The following GOLIM4 variants were observed in gnomAD, a reference collection of about 807,000 sequenced individuals.
The protein encoded by GOLIM4 is 130 kDa golgi-localized phosphoprotein.
GOLIM4 carries 71 observed loss-of-function variants against 107.4 expected under a neutral mutation model. That is an observed-to-expected ratio of 0.66 (90% CI 0.55 to 0.81). The LOEUF is 0.81. Among genes scored for constraint, GOLIM4 ranks in the 30% least tolerant of loss-of-function variants. The pLI is 0.00. For synonymous variants in GOLIM4, 327 were observed against 294.8 expected (o/e 1.11, Z -1.12); for missense variants, 830 against 826.1 (o/e 1.00, Z -0.06).
intron 1 of GOLIM4, among the ~76,000 whole-genome samples, chr3:168,066,012 A>C (rs532220820): frequency 6.7e-4 from 102 of 152,284 alleles, no homozygotes; most frequent in Non-Finnish European, 1.3e-3. Flanking sequence ...AGTGACCTGA[A>C]TAAATGTTTA....
chr3:168,010,527 G>A, intron 15 of GOLIM4, 109 bp from the exon 16 acceptor site: 2 of 852,748 alleles, frequency 2.3e-6, no homozygotes, highest in Non-Finnish European at 3.6e-6. Flanking sequence ...GGAAAAAAAA[G>A]GAAGAAAAAT....
At chr3:168,027,701 G>T in intron 12 of GOLIM4, 27 bp downstream of exon 12, 1 of 1,315,972 alleles carries the variant, frequency 7.6e-7, no homozygotes, top group Non-Finnish European at 1.1e-6. Context: ...GTTTACATGT[G>T]TCAGGGGCAG....
chr3:168,056,165 T>G (rs560959425), intron 1 of GOLIM4, among the ~76,000 whole-genome samples: 40 of 152,344 alleles, frequency 2.6e-4, no homozygotes, highest in African/African-American at 9.4e-4. Context: ...GCTCCAGCCA[T>G]GGCTGAAAGG....
chr3:168,085,158 A>T, intron 1 of GOLIM4, among the ~76,000 whole-genome samples: 1 of 152,244 alleles, frequency 6.6e-6, no homozygotes, highest in East Asian at 1.9e-4. Context: ...TCTAGACAGC[A>T]AATAATGTTG....
At chr3:168,077,265 G>C (rs183537012) in intron 1 of GOLIM4, among the ~76,000 whole-genome samples, 2 of 152,224 alleles carry the variant, frequency 1.3e-5, no homozygotes, top group African/African-American at 4.8e-5. Flanking sequence ...ACCACTCGGA[G>C]GGGCAGAGCA....
intron 14 of GOLIM4, 80 bp from the exon 15 acceptor site, chr3:168,010,903 T>A: frequency 1.1e-6 from 1 of 951,118 alleles, no homozygotes; most frequent in Admixed American, 1.8e-5. Context: ...CTGTTATCAT[T>A]TAAAGACTTG....
At chr3:168,037,504 AT>A (rs1311901242) in intron 7 of GOLIM4, among the ~76,000 whole-genome samples, 1 of 151,980 alleles carries the variant, frequency 6.6e-6, no homozygotes, top group Admixed American at 6.6e-5. Context: ...TCAGGCTACC[AT>A]TTTCCCCCTC....
intron 11 of GOLIM4, 144 bp downstream of exon 11, chr3:168,029,079 T>G (rs1044470427): frequency 1.5e-5 from 8 of 540,780 alleles, no homozygotes; most frequent in Non-Finnish European, 2.3e-5. Context: ...TTAAGAGGAT[T>G]AAGAAAAAGA....
At chr3:168,093,835 T>C (rs1421668839) in intron 1 of GOLIM4, among the ~76,000 whole-genome samples, 2 of 152,200 alleles carry the variant, frequency 1.3e-5, no homozygotes, top group Admixed American at 6.5e-5. Flanking sequence ...GCAAGTTAAG[T>C]CCAAACAATC....
intron 1 of GOLIM4, among the ~76,000 whole-genome samples, chr3:168,054,647 A>C (rs578001168): frequency 1.3e-5 from 2 of 151,638 alleles, no homozygotes; most frequent in Admixed American, 6.5e-5. Context: ...AATAATTTTT[A>C]TTACTGTTAT....
At chr3:168,093,150 G>A (rs1173275019) in intron 1 of GOLIM4, among the ~76,000 whole-genome samples, 1 of 152,122 alleles carries the variant, frequency 6.6e-6, no homozygotes, top group East Asian at 1.9e-4. Flanking sequence ...ATGAAATACT[G>A]CAAATAAAGG....
intron 1 of GOLIM4, among the ~76,000 whole-genome samples, chr3:168,080,146 A>G (rs545216076): frequency 1.3e-5 from 2 of 152,088 alleles, no homozygotes; most frequent in South Asian, 2.1e-4. Flanking sequence ...AATAATGGAG[A>G]AAAAAAATAT....
Position 168,029,307 on chromosome 3 carries a change from A to G in GOLIM4, c.1434-5T>C, listed in dbSNP as rs781364006. 1.3e-6 allele frequency: 2 copies of G among 1,584,948 alleles called. No homozygotes were observed. Among genetic ancestry groups the G allele is most frequent in the Admixed American group, 1.7e-5 (1 of 59,230 alleles). On this transcript the variant is annotated splice_polypyrimidine_tract_variant and splice_region_variant and intron_variant, in intron 10 of 15. Coordinates refer to ENST00000470487, the MANE Select transcript of GOLIM4 (RefSeq NM_014498.5). ...GCATCATAATGAGCTTGCTGCCTAC[A>G]AGAGACACAAACATGATAAATCCAG...
intron 3 of GOLIM4, 106 bp from the exon 4 acceptor site, chr3:168,044,987 C>G (rs1217311428): frequency 1.5e-5 from 9 of 614,610 alleles, no homozygotes; most frequent in Non-Finnish European, 2.5e-5. Context: ...CACTTGTGTA[C>G]AGTAAAATGA....
At chr3:168,048,153 T>C (rs1167540007) in intron 2 of GOLIM4, 138 bp downstream of exon 2, 3 of 654,922 alleles carry the variant, frequency 4.6e-6, no homozygotes, top group Non-Finnish European at 5.6e-6. Flanking sequence ...TTACTTGACA[T>C]GTCTTTCTCT....
chr3:168,030,963 G>A (rs1457956563), intron 9 of GOLIM4, among the ~76,000 whole-genome samples: 1 of 152,090 alleles, frequency 6.6e-6, no homozygotes, highest in African/African-American at 2.4e-5. Context: ...ATCAACCTAA[G>A]CATCCATCAA....
At chr3:168,029,334 G>A (rs372788675) in intron 10 of GOLIM4, 32 bp from the exon 11 acceptor site, 1 of 1,399,762 alleles carries the variant, frequency 7.1e-7, no homozygotes, top group Non-Finnish European at 1.0e-6. Flanking sequence ...TAAATCCAGT[G>A]GGACAAAATT....
chr3:168,059,442 A>AAAGTAAGTCTTG (rs1363304781), intron 1 of GOLIM4, among the ~76,000 whole-genome samples: 2 of 151,110 alleles, frequency 1.3e-5, no homozygotes, highest in Non-Finnish European at 2.9e-5. Context: ...AAGGTTCATA[A>AAAGTAAGTCTTG]AAGTAAGTCT....
At chr3:168,037,050 G>C in intron 7 of GOLIM4, 56 bp from the exon 8 acceptor site, 1 of 1,209,304 alleles carries the variant, frequency 8.3e-7, no homozygotes, top group South Asian at 1.3e-5. Context: ...ATTCATAGAT[G>C]GGCATTTGGG....
Sources: allele counts gnomAD v4.1 joint callset (sites outside exome capture counted in the v4.1 genomes callset), GRCh38; gene constraint gnomAD v4.1.1; transcripts MANE v1.5; gene names NCBI Gene and HGNC (gene_info 2026-07-23, HGNC 2026-07-21).